Variants in NVL observed in about 807,000 individuals in gnomAD.
NVL encodes nuclear valosin-containing protein-like.
A neutral mutation model predicts 110.2 loss-of-function variants in NVL; 84 were observed. The ratio of observed to expected loss-of-function variants is 0.76; its 90% CI spans 0.64 to 0.91. NVL has a LOEUF of 0.91. Among genes scored for constraint, NVL ranks in the 40% least tolerant of loss-of-function variants. NVL has a pLI of 0.00. For missense variants in NVL, 882 were observed against 1,035.9 expected (o/e 0.85, Z 2.04); for synonymous variants, 354 against 361.1 (o/e 0.98, Z 0.22).
At chr1:224,281,051 C>T (rs778440479) in intron 16 of NVL, 72 bp downstream of exon 16, 28 of 1,328,638 alleles carry the variant, frequency 2.1e-5, no homozygotes, top group Non-Finnish European at 3.0e-5. Context: ...GATCTGAGAA[C>T]ATTTTACCCC....
intron 17 of NVL, among the ~76,000 whole-genome samples, chr1:224,268,951 G>A (rs150859479): frequency 3.6e-4 from 54 of 151,518 alleles, no homozygotes; most frequent in East Asian, 1.6e-3. Flanking sequence ...GAGCCACTGC[G>A]CCCGGCCCTA....
chr1:224,254,925 T>C (rs1461804182), intron 18 of NVL, among the ~76,000 whole-genome samples: 4 of 139,848 alleles, frequency 2.9e-5, no homozygotes, highest in African/African-American at 8.0e-5. Flanking sequence ...CAGGCTGGAG[T>C]ACAGTGGCAT....
At chr1:224,317,309 A>G (rs1670187668) in intron 4 of NVL, among the ~76,000 whole-genome samples, 1 of 152,210 alleles carries the variant, frequency 6.6e-6, no homozygotes, top group Admixed American at 6.5e-5. Context: ...ACTGTTGGTA[A>G]TGCAAACAAG....
intron 20 of NVL, among the ~76,000 whole-genome samples, chr1:224,235,128 T>C (rs180843283): frequency 3.3e-5 from 5 of 152,066 alleles, no homozygotes; most frequent in African/African-American, 1.2e-4. Context: ...ACTCAAGTAG[T>C]AGTCTCCTAA....
At chr1:224,290,500 T>C (rs1339011189) in intron 12 of NVL, among the ~76,000 whole-genome samples, 3 of 151,728 alleles carry the variant, frequency 2.0e-5, no homozygotes, top group Non-Finnish European at 4.4e-5. Context: ...CTACTAAACA[T>C]ACAAAAATTA....
In NVL at chr1:224,243,071, C is replaced by T. The variant is rs1283201676; in HGVS notation, c.2290-6489G>A. Reference sequence around the variant, plus strand: ...TGCTGGGATTACAGGTGTGAGCCACCGTACCTGGCCAGTAATTTTATTTAT... The same window carrying T: ...TGCTGGGATTACAGGTGTGAGCCACTGTACCTGGCCAGTAATTTTATTTAT... On this transcript the variant is annotated intron_variant, in intron 19 of 22. Transcript: ENST00000281701. Among the ~76,000 whole-genome samples the T allele has an allele frequency of 5.3e-5, 8 of 151,880 alleles. No homozygotes were observed. The South Asian group carries it at 6.2e-4, about 12-fold the overall frequency.
chr1:224,285,458 A>T (rs1030138198), intron 15 of NVL, among the ~76,000 whole-genome samples: 4 of 152,134 alleles, frequency 2.6e-5, no homozygotes, highest in Admixed American at 1.3e-4. Flanking sequence ...TAAAATAAAA[A>T]AAGCTTATAT....
rs185890200 is a variant in NVL at position 224,305,127 on chromosome 1, G to A, written c.655C>T (p.Arg219Trp). ...CCTTTATTCTTTAGCTTGCCTTTCC[G>A]TTTCATATCACTCTCCAAAAGAGAA... ...DSSLLESDMK[R>W]KGKLKNKGSK... Residue 219 changes from arginine (R) to tryptophan (W), a missense_variant, in exon 7 of 23, where the codon CGG becomes TGG. Arg to Trp is a moderately radical substitution (Grantham distance 101, BLOSUM62 -3). Around this residue, in one of 4 missense-constraint regions of NVL, gnomAD observed 274 missense variants for 268.4 expected, o/e 1.02. Transcript: ENST00000281701. 155 of 1,612,974 alleles carry A rather than the reference G, an allele frequency of 9.6e-5. No homozygotes were observed. The highest frequency in any genetic ancestry group is 1.1e-4 in the Non-Finnish European group (135 of 1,179,658).
intron 17 of NVL, among the ~76,000 whole-genome samples, chr1:224,269,023 T>C (rs2102824741): frequency 6.6e-6 from 1 of 152,192 alleles, no homozygotes; most frequent in Middle Eastern, 3.4e-3. Context: ...CATTTTATTT[T>C]ATTTTTAAAG....
At chr1:224,294,495 G>A in intron 11 of NVL, 84 bp from the exon 12 acceptor site, 1 of 1,427,858 alleles carries the variant, frequency 7.0e-7, no homozygotes, top group Non-Finnish European at 9.7e-7. Context: ...CATGGTTAAA[G>A]ATAAAGTATT....
chr1:224,288,052 G>A, intron 13 of NVL, 59 bp from the exon 14 acceptor site: 3 of 1,274,964 alleles, frequency 2.4e-6, no homozygotes, highest in Admixed American at 1.9e-5. Context: ...CTATTGAAAA[G>A]TTACATTTTC....
chr1:224,232,271 T>A (rs1017722769), intron 21 of NVL: 1 of 151,166 alleles, frequency 6.6e-6, no homozygotes. Flanking sequence ...GAGAATGGCA[T>A]GAACCCGAGA....
intron 11 of NVL, among the ~76,000 whole-genome samples, chr1:224,296,229 A>C (rs1016552104): frequency 1.3e-5 from 2 of 152,090 alleles, no homozygotes; most frequent in Non-Finnish European, 2.9e-5. Context: ...TCTTGTGTAC[A>C]CAAAACAAGT....
At chr1:224,328,776 G>A (rs59825193) in intron 1 of NVL, among the ~76,000 whole-genome samples, 1 of 152,178 alleles carries the variant, frequency 6.6e-6, no homozygotes, top group African/African-American at 2.4e-5. Context: ...CACTAAGAAA[G>A]GGCAGATTTG....
intron 19 of NVL, among the ~76,000 whole-genome samples, chr1:224,239,479 CTTG>C (rs1417385178): frequency 1.3e-5 from 2 of 152,064 alleles, no homozygotes; most frequent in African/African-American, 4.8e-5. Context: ...TGTAGGAGCC[CTTG>C]TTAGGTGCTT....
intron 4 of NVL, among the ~76,000 whole-genome samples, chr1:224,314,289 T>C (rs58788859): frequency 0.059 from 9,054 of 152,240 alleles, 851 homozygotes; most frequent in African/African-American, 0.2. Context: ...TATTATGCAA[T>C]AGTGTAACAC....
intron 1 of NVL, 151 bp downstream of exon 1, chr1:224,329,920 C>A: frequency 1.3e-6 from 1 of 743,448 alleles, no homozygotes; most frequent in Admixed American, 2.6e-5. Flanking sequence ...CCCGGCAGCA[C>A]CAACTAAGGA....
At chr1:224,288,173 T>C (rs1667046779) in intron 13 of NVL, among the ~76,000 whole-genome samples, 180 bp from the exon 14 acceptor site, 1 of 152,224 alleles carries the variant, frequency 6.6e-6, no homozygotes, top group Non-Finnish European at 1.5e-5. Flanking sequence ...TTAAGGATCA[T>C]ATGCTCTGGT....
chr1:224,325,694 T>C (rs1427655666), intron 2 of NVL, among the ~76,000 whole-genome samples: 1 of 151,288 alleles, frequency 6.6e-6, no homozygotes, highest in Non-Finnish European at 1.5e-5. Context: ...GGTCATGCCA[T>C]TGCACTCCAG....
Sources: allele counts gnomAD v4.1 joint callset (sites outside exome capture counted in the v4.1 genomes callset), GRCh38; gene constraint gnomAD v4.1.1; regional missense constraint gnomAD v4.1.1; transcripts MANE v1.5; gene names NCBI Gene and HGNC (gene_info 2026-07-23, HGNC 2026-07-21).